Variants in CCDC178 observed in about 807,000 individuals in gnomAD.
CCDC178 encodes the protein coiled-coil domain-containing protein 178.
A neutral mutation model predicts 117.4 loss-of-function variants in CCDC178; 126 were observed. That is an observed-to-expected ratio of 1.07 (90% confidence interval 0.93 to 1.24). The LOEUF (loss-of-function observed/expected upper bound fraction) is 1.24, where lower values mean the gene tolerates loss of function less well. Among genes scored for constraint, CCDC178 ranks in the 50% most tolerant of loss-of-function variants. CCDC178 has a pLI of 0.00. For synonymous variants in CCDC178, 283 were observed against 313.4 expected (o/e 0.90, Z 1.02); for missense variants, 1,030 against 986.9 (o/e 1.04, Z -0.59).
At chr18:32,974,031 A>C (rs2054983181) in intron 22 of CCDC178, among the ~76,000 whole-genome samples, 1 of 152,168 alleles carries the variant, frequency 6.6e-6, no homozygotes, top group South Asian at 2.1e-4. Context: ...AACAAGGAGT[A>C]AAATCTCACA....
intron 2 of CCDC178, among the ~76,000 whole-genome samples, chr18:33,415,685 TTAAAG>T (rs938267770): frequency 4.6e-5 from 7 of 151,960 alleles, no homozygotes; most frequent in East Asian, 1.9e-4. Context: ...ACCCTAGAAC[TTAAAG>T]TATAGTTTAA....
At position 33,323,621 on chromosome 18, in the gene CCDC178, G is replaced by A. The variant is rs373923985; in HGVS notation, c.892C>T (p.His298Tyr). ...YKKKMEVMDL[H>Y]RKVNEELEEA... ...TCAAGTTCTTCATTAACTTTTCTGT[G>A]TAGGTCCATTACCTAGAAATGAAAA... Residue 298 changes from histidine to tyrosine, a missense_variant, in exon 11 of 23, where the codon CAC becomes TAC. Physicochemically the swap from His to Tyr is moderately conservative, Grantham distance 83. Coordinates refer to ENST00000383096, the MANE Select transcript of CCDC178 (RefSeq NM_001105528.4). 8 of 1,522,210 alleles carry A rather than the reference G, an allele frequency of 5.3e-6. No individual in the cohort carries two copies. Among genetic ancestry groups the A allele is most frequent in the Non-Finnish European group, 6.2e-6 (7 of 1,136,424 alleles). 94.3% of individuals were successfully genotyped at this position (1,522,210 alleles called of 1,614,324 possible). A position where few individuals can be genotyped will look rare whatever the true frequency, so the allele number is the denominator to read the frequency against.
At chr18:32,954,600 T>C (rs943948975) in intron 22 of CCDC178, 8 of 152,094 alleles carry the variant, frequency 5.3e-5, no homozygotes, top group Non-Finnish European at 8.8e-5. Context: ...CCTGGATATA[T>C]AGAAGCAGGA....
intron 21 of CCDC178, among the ~76,000 whole-genome samples, chr18:33,076,854 A>G (rs2057216893): frequency 6.6e-6 from 1 of 152,154 alleles, no homozygotes; most frequent in Non-Finnish European, 1.5e-5. Context: ...TAGGATGTAT[A>G]CCCTCACCCT....
chr18:33,079,502 T>C (rs2057263809), intron 21 of CCDC178, among the ~76,000 whole-genome samples: 1 of 152,104 alleles, frequency 6.6e-6, no homozygotes, highest in Admixed American at 6.6e-5. Context: ...ATTTACAATA[T>C]GGGAGAAAAT....
At chr18:33,133,850 T>A (rs1179117216) in intron 20 of CCDC178, among the ~76,000 whole-genome samples, 1 of 152,012 alleles carries the variant, frequency 6.6e-6, no homozygotes, top group Admixed American at 6.6e-5. Context: ...AATTCAATTC[T>A]ACTTTGGATA....
At chr18:32,992,462 TA>T (rs1418938947) in intron 21 of CCDC178, among the ~76,000 whole-genome samples, 2 of 151,886 alleles carry the variant, frequency 1.3e-5, no homozygotes, top group African/African-American at 4.8e-5. Context: ...TGAAAGTAAG[TA>T]AAAAAAAGTG....
At position 33,194,900 on chromosome 18, in the gene CCDC178, CAA is replaced by C. The variant is rs530764182; in HGVS notation, c.2238+16994_2238+16995del. On this transcript the variant is annotated intron_variant, in intron 20 of 22. Coordinates refer to ENST00000383096, the MANE Select transcript of CCDC178 (RefSeq NM_001105528.4). ...GCAATACAATGAGACTCTGTTTCTA[CAA>C]AAAAAAAAAAAAAAAAAGAGAGAGA... Among the ~76,000 whole-genome samples the C allele has an allele frequency of 7.7e-4, 43 of 56,106 alleles. No homozygotes were observed. The South Asian group carries it at 0.013, about 16-fold the overall frequency. 36.8% of individuals were successfully genotyped at this position (56,106 alleles called of 152,430 possible). A position where few individuals can be genotyped will look rare whatever the true frequency, so the allele number is the denominator to read the frequency against.
intron 20 of CCDC178, among the ~76,000 whole-genome samples, chr18:33,156,175 G>A (rs2058393901): frequency 1.5e-5 from 2 of 133,188 alleles, no homozygotes; most frequent in Non-Finnish European, 3.1e-5. Context: ...TGCAACCTCC[G>A]CCTCCCAGGT....
At chr18:33,086,755 T>C (rs1362800552) in intron 21 of CCDC178, among the ~76,000 whole-genome samples, 1 of 152,140 alleles carries the variant, frequency 6.6e-6, no homozygotes, top group Non-Finnish European at 1.5e-5. Flanking sequence ...TGTCTCTCTG[T>C]ATATCAAGGT....
At chr18:33,229,200 C>T (rs967634509) in intron 15 of CCDC178, among the ~76,000 whole-genome samples, 6 of 152,166 alleles carry the variant, frequency 3.9e-5, no homozygotes, top group African/African-American at 7.2e-5. Flanking sequence ...CCTCGATCAA[C>T]TCCACAGCAA....
chr18:33,316,279 C>T (rs1219017529), intron 11 of CCDC178, among the ~76,000 whole-genome samples: 2 of 152,170 alleles, frequency 1.3e-5, no homozygotes, highest in Admixed American at 1.3e-4. Context: ...CGGGATAGCG[C>T]GAGTTCCGTG....
At chr18:33,064,349 C>T (rs904698052) in intron 21 of CCDC178, among the ~76,000 whole-genome samples, 4 of 151,946 alleles carry the variant, frequency 2.6e-5, no homozygotes, top group African/African-American at 9.7e-5. Flanking sequence ...GGACAGATAT[C>T]GTAAAAAGAA....
At chr18:33,187,078 T>C (rs1257757839) in intron 20 of CCDC178, among the ~76,000 whole-genome samples, 2 of 119,770 alleles carry the variant, frequency 1.7e-5, no homozygotes, top group African/African-American at 7.4e-5. Flanking sequence ...ACATCTTACA[T>C]GGCGGCAGGA....
chr18:33,344,255 G>C (rs1035361044), intron 9 of CCDC178, among the ~76,000 whole-genome samples: 97 of 143,030 alleles, frequency 6.8e-4, no homozygotes, highest in African/African-American at 2.2e-3. Flanking sequence ...AGTGAGCCGA[G>C]ATTGCGCCAC....
At chr18:33,438,405 G>C (rs2064322064) in intron 2 of CCDC178, among the ~76,000 whole-genome samples, 2 of 152,128 alleles carry the variant, frequency 1.3e-5, no homozygotes, top group South Asian at 2.1e-4. Context: ...CCTCTAGCAA[G>C]ATCTGAATAA....
At chr18:33,006,377 T>C (rs2055750192) in intron 21 of CCDC178, among the ~76,000 whole-genome samples, 1 of 152,134 alleles carries the variant, frequency 6.6e-6, no homozygotes, top group South Asian at 2.1e-4. Context: ...CAATTTTTGA[T>C]TCCCAATTTG....
intron 22 of CCDC178, among the ~76,000 whole-genome samples, chr18:32,952,085 A>T (rs933232240): frequency 1.3e-5 from 2 of 152,036 alleles, no homozygotes; most frequent in African/African-American, 4.8e-5. Flanking sequence ...AGCTGCTTTC[A>T]TGAACTGGCA....
intron 5 of CCDC178, among the ~76,000 whole-genome samples, chr18:33,374,451 C>A (rs974480766): frequency 6.6e-6 from 1 of 152,182 alleles, no homozygotes; most frequent in African/African-American, 2.4e-5. Flanking sequence ...TTCACACACA[C>A]ACTATAATGC....
Sources: allele counts gnomAD v4.1 joint callset (sites outside exome capture counted in the v4.1 genomes callset), GRCh38; gene constraint gnomAD v4.1.1; transcripts MANE v1.5; gene names NCBI Gene and HGNC (gene_info 2026-07-23, HGNC 2026-07-21).